SUPT3H: variants seen among roughly 807,000 people sequenced by gnomAD.
SUPT3H encodes the protein transcription initiation protein SPT3 homolog.
SUPT3H carries 44 observed loss-of-function variants against 44.3 expected under a neutral mutation model. The ratio of observed to expected loss-of-function variants is 0.99; its 90% CI spans 0.78 to 1.28. SUPT3H has a LOEUF of 1.28. Ranked by LOEUF, SUPT3H falls within the 50% of genes most tolerant of loss-of-function variation. The pLI, the probability that SUPT3H is intolerant of heterozygous loss-of-function variation, is 0.00. For missense variants in SUPT3H, 380 were observed against 387.1 expected, an observed-to-expected ratio of 0.98 and a Z score of 0.15; for synonymous variants, 124 against 125.6, an observed-to-expected ratio of 0.99 and a Z score of 0.09.
intron 2 of SUPT3H, among the ~76,000 whole-genome samples, chr6:45,279,472 G>T (rs577606180): frequency 1.3e-5 from 2 of 152,232 alleles, no homozygotes; most frequent in African/African-American, 4.8e-5. Context: ...GAGTGGCTTG[G>T]TGCTGTCCTC....
At chr6:45,130,944 C>T (rs184477968) in intron 2 of SUPT3H, among the ~76,000 whole-genome samples, 374 of 151,734 alleles carry the variant, frequency 2.5e-3, no homozygotes, top group African/African-American at 8.1e-3. Flanking sequence ...CTCGAACTCC[C>T]GACCTCAGGT....
chr6:44,847,958 C>CTTTTTT (rs969869912), intron 10 of SUPT3H, among the ~76,000 whole-genome samples: 1 of 58,392 alleles, frequency 1.7e-5, no homozygotes, highest in Non-Finnish European at 3.3e-5. Context: ...ATCTCTGTGT[C>CTTTTTT]TTTTTTTTTT....
intron 3 of SUPT3H, among the ~76,000 whole-genome samples, chr6:45,056,582 A>G (rs946737033): frequency 6.6e-6 from 1 of 152,198 alleles, no homozygotes; most frequent in African/African-American, 2.4e-5. Context: ...CCATTATTCT[A>G]TGTGAAGTAA....
At chr6:45,014,383 T>C (rs905057184) in intron 5 of SUPT3H, among the ~76,000 whole-genome samples, 7 of 152,098 alleles carry the variant, frequency 4.6e-5, no homozygotes. Flanking sequence ...TCATATATTA[T>C]GCTAAACTCT....
intron 2 of SUPT3H, among the ~76,000 whole-genome samples, chr6:45,146,115 C>CTT (rs1388190954): frequency 6.6e-6 from 1 of 152,052 alleles, no homozygotes; most frequent in Non-Finnish European, 1.5e-5. Flanking sequence ...GTGGAGATTC[C>CTT]TTAAAGAACT....
intron 11 of SUPT3H, among the ~76,000 whole-genome samples, chr6:44,821,136 C>T (rs973385089): frequency 6.6e-6 from 1 of 152,126 alleles, no homozygotes; most frequent in African/African-American, 2.4e-5. Flanking sequence ...CAGGTGTGAG[C>T]CACTGTGGCC....
intron 2 of SUPT3H, among the ~76,000 whole-genome samples, chr6:45,240,441 C>G (rs761350009): frequency 2.0e-5 from 3 of 152,128 alleles, no homozygotes; most frequent in Non-Finnish European, 4.4e-5. Flanking sequence ...CACTCTATGA[C>G]ACATATACAC....
chr6:45,171,786 C>A (rs545495513), intron 2 of SUPT3H, among the ~76,000 whole-genome samples: 16 of 120,206 alleles, frequency 1.3e-4, no homozygotes, highest in Non-Finnish European at 2.2e-4. Flanking sequence ...GGTGTGATCT[C>A]GGCTCACTGC....
At chr6:45,172,142 A>T (rs999940486) in intron 2 of SUPT3H, among the ~76,000 whole-genome samples, 3 of 146,748 alleles carry the variant, frequency 2.0e-5, no homozygotes, top group Non-Finnish European at 4.5e-5. Context: ...GCGCGATCTC[A>T]GCTCACTGCA....
chr6:45,097,008 G>C (rs772392196), intron 3 of SUPT3H, among the ~76,000 whole-genome samples: 2 of 152,168 alleles, frequency 1.3e-5, no homozygotes, highest in Non-Finnish European at 2.9e-5. Flanking sequence ...GACAAAGAGA[G>C]TGTAGTATAA....
intron 3 of SUPT3H, among the ~76,000 whole-genome samples, chr6:45,084,557 G>C (rs1486031857): frequency 3.9e-5 from 6 of 152,158 alleles, no homozygotes; most frequent in Non-Finnish European, 7.4e-5. Flanking sequence ...GCAGTTTGGA[G>C]ATTTCACAAA....
At chr6:45,173,663 T>A (rs533738526) in intron 2 of SUPT3H, among the ~76,000 whole-genome samples, 1 of 152,236 alleles carries the variant, frequency 6.6e-6, no homozygotes, top group Non-Finnish European at 1.5e-5. Flanking sequence ...AACCATACTC[T>A]GTCAACTGAG....
chr6:45,297,095 A>G (rs1781422161), intron 2 of SUPT3H, among the ~76,000 whole-genome samples: 1 of 151,234 alleles, frequency 6.6e-6, no homozygotes, highest in South Asian at 2.1e-4. Context: ...AAAAAAAGGA[A>G]AAAAAAATGA....
At chr6:44,967,984 A>G (rs755944049) in intron 6 of SUPT3H, among the ~76,000 whole-genome samples, 1 of 151,490 alleles carries the variant, frequency 6.6e-6, no homozygotes, top group Non-Finnish European at 1.5e-5. Context: ...TAGAGATGAG[A>G]TCTCTATAAA....
intron 10 of SUPT3H, among the ~76,000 whole-genome samples, chr6:44,888,852 T>C (rs1762779195): frequency 6.7e-6 from 1 of 149,902 alleles, no homozygotes; most frequent in African/African-American, 2.5e-5. Flanking sequence ...GACATGATTG[T>C]ATATCTAGAA....
At chr6:44,988,777 G>C (rs1026440117) in intron 6 of SUPT3H, among the ~76,000 whole-genome samples, 2 of 152,000 alleles carry the variant, frequency 1.3e-5, no homozygotes, top group Non-Finnish European at 2.9e-5. Flanking sequence ...CCAGAAAGCT[G>C]TATCAATATA....
intron 3 of SUPT3H, among the ~76,000 whole-genome samples, chr6:45,083,164 AATCATT>A (rs1204467736): frequency 2.1e-5 from 2 of 93,724 alleles, no homozygotes; most frequent in African/African-American, 4.4e-5. Context: ...GATATTAAAG[AATCATT>A]ATTATTATTA....
chr6:45,332,453 C>A (rs1787707584), intron 2 of SUPT3H, among the ~76,000 whole-genome samples: 1 of 151,732 alleles, frequency 6.6e-6, no homozygotes, highest in African/African-American at 2.4e-5. Flanking sequence ...TGCACCCGTG[C>A]ATACTTGAAA....
At chr6:45,032,947 T>C (rs912914079) in intron 3 of SUPT3H, among the ~76,000 whole-genome samples, 3 of 152,142 alleles carry the variant, frequency 2.0e-5, no homozygotes, top group Non-Finnish European at 2.9e-5. Context: ...CTCTGAGTTG[T>C]AGGCAGATGT....
Sources: allele counts gnomAD v4.1 joint callset (sites outside exome capture counted in the v4.1 genomes callset), GRCh38; gene constraint gnomAD v4.1.1; transcripts MANE v1.5; gene names NCBI Gene and HGNC (gene_info 2026-07-23, HGNC 2026-07-21).